The following SLC17A5 variants were observed in gnomAD, a reference collection of about 807,000 sequenced individuals.
SLC17A5 encodes sialin.
Under a neutral mutation model 59.4 loss-of-function variants are expected in SLC17A5, and 47 were observed. The observed-to-expected ratio is 0.79, with a 90% CI of 0.63 to 1.01. The LOEUF is 1.01. Ranked by LOEUF, SLC17A5 falls within the 50% of genes least tolerant of loss-of-function variation. The pLI, the probability that SLC17A5 is intolerant of heterozygous loss-of-function variation, is 0.00. For missense variants in SLC17A5, 522 were observed against 595.5 expected, an observed-to-expected ratio of 0.88 and a Z score of 1.28; for synonymous variants, 202 against 210.7, an observed-to-expected ratio of 0.96 and a Z score of 0.36.
At chr6:73,597,150 A>G (rs539984968) in intron 10 of SLC17A5, among the ~76,000 whole-genome samples, 1 of 147,832 alleles carries the variant, frequency 6.8e-6, no homozygotes, top group East Asian at 2.0e-4. Flanking sequence ...AACAAGAGTG[A>G]AACTCCGTCT....
At chr6:73,602,411 T>C (rs1012748123) in intron 9 of SLC17A5, among the ~76,000 whole-genome samples, 2 of 148,908 alleles carry the variant, frequency 1.3e-5, no homozygotes, top group Non-Finnish European at 3.0e-5. Context: ...TCCCCCTCTG[T>C]GAGAAACACC....
intron 7 of SLC17A5, among the ~76,000 whole-genome samples, chr6:73,616,497 C>T (rs1332458455): frequency 2.0e-5 from 3 of 150,498 alleles, no homozygotes; most frequent in East Asian, 3.9e-4. Flanking sequence ...TAAAATTTAT[C>T]GGTGCCCAGT....
At chr6:73,645,931 T>C (rs1364660909) in intron 1 of SLC17A5, among the ~76,000 whole-genome samples, 1 of 152,094 alleles carries the variant, frequency 6.6e-6, no homozygotes, top group Non-Finnish European at 1.5e-5. Context: ...TTTTATTGAG[T>C]TGCAGAATTG....
At chr6:73,609,394 C>T (rs1561987731) in intron 9 of SLC17A5, among the ~76,000 whole-genome samples, 1 of 152,134 alleles carries the variant, frequency 6.6e-6, no homozygotes, top group East Asian at 1.9e-4. Flanking sequence ...CTTAACTTCT[C>T]TTAAGTTTCT....
intron 6 of SLC17A5, among the ~76,000 whole-genome samples, chr6:73,625,151 G>C (rs146191507): frequency 6.6e-6 from 1 of 152,138 alleles, no homozygotes; most frequent in African/African-American, 2.4e-5. Context: ...CATCTTTGTA[G>C]ATATGCTCTT....
At chr6:73,626,985 T>G (rs562557) in intron 6 of SLC17A5, among the ~76,000 whole-genome samples, 24,864 of 152,188 alleles carry the variant, frequency 0.16, 3,138 homozygotes, top group African/African-American at 0.35. Context: ...TTGACCAGGC[T>G]GGTCTTGAAC....
chr6:73,651,973 C>T (rs1229843955), intron 1 of SLC17A5, among the ~76,000 whole-genome samples: 4 of 133,480 alleles, frequency 3.0e-5, no homozygotes, highest in African/African-American at 1.1e-4. Context: ...GAGCATAAGG[C>T]AAGACTGGCC....
chr6:73,653,159 T>C (rs1159189407), intron 1 of SLC17A5: 1 of 985,316 alleles, frequency 1.0e-6, no homozygotes, highest in East Asian at 1.1e-4. Context: ...AGTCTCTTAC[T>C]GCACAATGTC....
intron 3 of SLC17A5, among the ~76,000 whole-genome samples, chr6:73,640,453 G>A (rs773703960): frequency 1.3e-5 from 2 of 152,144 alleles, no homozygotes; most frequent in African/African-American, 4.8e-5. Context: ...AGGTATTTTA[G>A]TCCCAGTTTA....
At position 73,607,561 on chromosome 6, in the gene SLC17A5, C is replaced by T. The variant is rs1428569666; in HGVS notation, c.1259+2839G>A. 3.9e-5 allele frequency among the ~76,000 whole-genome samples: 6 copies of T among 152,048 alleles called. No individual in the cohort carries two copies. In the South Asian group the frequency reaches 6.2e-4, roughly 16 times the overall value. The stretch of plus-strand genomic sequence containing the variant: ...GATTACAGGCATGAGCCATTACACC[C>T]GGCCGACCATAGCTCCAATTTTTAT... On this transcript the variant is annotated intron_variant, in intron 9 of 10. Transcript: ENST00000355773.
At chr6:73,644,968 A>G (rs960487557) in intron 1 of SLC17A5, among the ~76,000 whole-genome samples, 1 of 152,226 alleles carries the variant, frequency 6.6e-6, no homozygotes, top group Admixed American at 6.5e-5. Flanking sequence ...AGCCTGAACT[A>G]TAAAAAAGTT....
intron 6 of SLC17A5, among the ~76,000 whole-genome samples, chr6:73,625,176 C>T (rs1217276372): frequency 1.3e-5 from 2 of 152,076 alleles, no homozygotes; most frequent in African/African-American, 2.4e-5. Flanking sequence ...TTTTTAATTA[C>T]AAATTTTAAA....
chr6:73,595,316 C>A (rs1470233432), intron 10 of SLC17A5, 102 bp from the exon 11 acceptor site: 3 of 1,307,620 alleles, frequency 2.3e-6, no homozygotes, highest in Admixed American at 1.9e-5. Context: ...CCACATTATT[C>A]ATAAAAGCCT....
In SLC17A5 at chr6:73,618,289, AAAATAAAATAAAATAAAAT is replaced by A. The variant is rs1160468266; in HGVS notation, c.979-2861_979-2843del. On this transcript the variant is annotated intron_variant, in intron 7 of 10. Transcript: ENST00000355773. ...AAAATAAAATAAAATAAAATAAAAT[AAAATAAAATAAAATAAAAT>A]GAGTTTCTGGTTGTGACGACCTACC... 5.0e-5 allele frequency: 7 copies of A among 138,852 alleles called. No homozygotes were observed. The East Asian group carries it at 1.3e-3, about 25-fold the overall frequency. The allele number at this position is 138,852 out of a possible 1,614,324, so 8.6% of individuals were successfully genotyped here.
intron 2 of SLC17A5, among the ~76,000 whole-genome samples, chr6:73,644,076 ACTC>A (rs1439156866): frequency 6.6e-6 from 1 of 152,016 alleles, no homozygotes; most frequent in Non-Finnish European, 1.5e-5. Flanking sequence ...TATAAATAAT[ACTC>A]CTATAAAAGC....
chr6:73,593,493 C>T lies in SLC17A5; in HGVS notation c.*1584G>A, dbSNP rs143753884. 1.0e-3 allele frequency: 156 copies of T among 152,344 alleles called. No individual in the cohort carries two copies. The highest frequency in any genetic ancestry group is 3.6e-3 in the African/African-American group (150 of 41,576). The allele number at this position is 152,344 out of a possible 1,614,324, so 9.4% of individuals were successfully genotyped here. A position where few individuals can be genotyped will look rare whatever the true frequency, so the allele number is the denominator to read the frequency against. On this transcript the variant is annotated 3_prime_UTR_variant, in exon 11 of 11. Transcript: ENST00000355773. ...ATAAATGTATTCACATCACATTAAACAGTTTTAAAATATTACACGTAGTGT... is the reference window on the plus strand; with the variant it reads ...ATAAATGTATTCACATCACATTAAATAGTTTTAAAATATTACACGTAGTGT...
intron 10 of SLC17A5, among the ~76,000 whole-genome samples, chr6:73,599,552 G>A (rs1308872589): frequency 6.6e-6 from 1 of 152,242 alleles, no homozygotes; most frequent in Non-Finnish European, 1.5e-5. Context: ...TTAGGTTCTG[G>A]TGTTGCCACC....
At position 73,653,958 on chromosome 6, in the gene SLC17A5, C is replaced by G; in HGVS notation, c.-72G>C. 3.8e-6 allele frequency: 5 copies of G among 1,330,230 alleles called. No individual in the cohort carries two copies. The highest frequency in any genetic ancestry group is 5.2e-6 in the Non-Finnish European group (5 of 963,380). 82.4% of individuals were successfully genotyped at this position (1,330,230 alleles called of 1,614,324 possible). On this transcript the variant is annotated 5_prime_UTR_variant, in exon 1 of 11. Transcript: ENST00000355773. Reference sequence around the variant, plus strand: ...CGCCGGCCCGACAGCCCGAAGCCCCCGGGCCGAGCTGGCTGGACCGGGCGG... The same window carrying G: ...CGCCGGCCCGACAGCCCGAAGCCCCGGGGCCGAGCTGGCTGGACCGGGCGG...
intron 6 of SLC17A5, among the ~76,000 whole-genome samples, chr6:73,623,601 T>C (rs1364120825): frequency 6.6e-6 from 1 of 152,162 alleles, no homozygotes; most frequent in African/African-American, 2.4e-5. Context: ...CCCAAAGTTC[T>C]GGGATTACAG....
Sources: allele counts gnomAD v4.1 joint callset (sites outside exome capture counted in the v4.1 genomes callset), GRCh38; gene constraint gnomAD v4.1.1; transcripts MANE v1.5; gene names NCBI Gene and HGNC (gene_info 2026-07-23, HGNC 2026-07-21).